FGD6: variants seen among roughly 807,000 people sequenced by gnomAD.
The protein encoded by FGD6 is FYVE, RhoGEF and PH domain-containing protein 6.
In FGD6, 90 loss-of-function variants were observed where a neutral mutation model predicts 149.4. That is an observed-to-expected ratio of 0.60 (90% confidence interval 0.51 to 0.72). The LOEUF is 0.72. FGD6 is among the 30% of genes least tolerant of loss of function. FGD6 has a pLI of 0.00. For synonymous variants in FGD6, 527 were observed against 584.0 expected (o/e 0.90, Z 1.41); for missense variants, 1,437 against 1,684.8 (o/e 0.85, Z 2.57).
In FGD6 at chr12:95,107,399, G is replaced by A. The variant is rs79337151; in HGVS notation, c.3333+164C>T. Among the ~76,000 whole-genome samples the A allele has an allele frequency of 5.5e-3, 840 of 152,236 alleles. 41 individuals carry two copies. In the East Asian group the frequency reaches 0.14, roughly 25 times the overall value. ...CTTCTGGTTATACATCATAACAGAC[G>A]TTATTTCCCATACTTGAAATGCAAT... On this transcript the variant is annotated intron_variant, in intron 12 of 20. Coordinates refer to ENST00000343958, the MANE Select transcript of FGD6 (RefSeq NM_018351.4).
At position 95,180,751 on chromosome 12, in the gene FGD6, C is replaced by G. The variant is rs11107927; in HGVS notation, c.2442-8007G>C. 1.2e-3 allele frequency among the ~76,000 whole-genome samples: 185 copies of G among 152,002 alleles called. 4 individuals carry two copies. In the East Asian group the frequency reaches 0.03, roughly 25 times the overall value. ...AAAGTTGTTATCACGTGCATTTTTA[C>G]TTTTTCAAAGTTGACCACCCCCCCG... On this transcript the variant is annotated intron_variant, in intron 2 of 20. Coordinates refer to ENST00000343958, the MANE Select transcript of FGD6 (RefSeq NM_018351.4).
intron 2 of FGD6, 73 bp downstream of exon 2, chr12:95,208,770 A>G: frequency 2.6e-6 from 4 of 1,511,002 alleles, no homozygotes; most frequent in Non-Finnish European, 2.7e-6. Flanking sequence ...TTCCCCCTGC[A>G]TTCCTAACTC....
chr12:95,081,604 CG>C (rs1565890395), intron 20 of FGD6, 48 bp from the exon 21 acceptor site: 1 of 1,377,886 alleles, frequency 7.3e-7, no homozygotes, highest in African/African-American at 1.4e-5. Context: ...AATCATCTGA[CG>C]TGTGAACACC....
intron 2 of FGD6, among the ~76,000 whole-genome samples, chr12:95,197,519 G>C (rs1341103902): frequency 6.6e-6 from 1 of 152,116 alleles, no homozygotes; most frequent in Non-Finnish European, 1.5e-5. Context: ...TAATTAGAGG[G>C]AACATATCAC....
chr12:95,210,356 G>C lies in FGD6; in HGVS notation c.928C>G (p.Pro310Ala). Reference protein sequence around the residue: ...PLEIHLVPYTPKFPTPKPRKT... With the variant: ...PLEIHLVPYTAKFPTPKPRKT... ...CTGGGCTTGGGAGTTGGAAATTTTG[G>C]GGTATATGGTACTAAATGAATTTCT... is the stretch of plus-strand genomic sequence containing the variant. The change falls in exon 2 of 21, where the codon CCA (proline) becomes GCA (alanine). Residue 310 changes from proline (P) to alanine (A), a missense_variant. This residue lies in a region of FGD6 where 1,055 missense variants were observed against 1,146.0 expected (regional missense o/e 0.92). Transcript: ENST00000343958. 3 of 1,613,732 alleles carry C rather than the reference G, an allele frequency of 1.9e-6. No individual in the cohort carries two copies. The highest frequency in any genetic ancestry group is 2.5e-6 in the Non-Finnish European group (3 of 1,179,922).
At chr12:95,114,045 A>G (rs562358515) in intron 8 of FGD6, among the ~76,000 whole-genome samples, 57 of 152,284 alleles carry the variant, frequency 3.7e-4, no homozygotes, top group Non-Finnish European at 7.9e-4. Flanking sequence ...ATCCCAACAC[A>G]TAGGAAGTAC....
At chr12:95,124,759 T>C (rs544626395) in intron 8 of FGD6, among the ~76,000 whole-genome samples, 48 of 152,276 alleles carry the variant, frequency 3.2e-4, no homozygotes, top group African/African-American at 9.6e-4. Context: ...ACGTGTAAAA[T>C]AGGATTTTCT....
intron 6 of FGD6, among the ~76,000 whole-genome samples, chr12:95,139,383 G>A (rs1243067538): frequency 6.6e-6 from 1 of 151,432 alleles, no homozygotes; most frequent in Non-Finnish European, 1.5e-5. Flanking sequence ...CAAGGCTGCA[G>A]TGAGCCATGG....
intron 2 of FGD6, among the ~76,000 whole-genome samples, chr12:95,179,339 GAA>G (rs57452963): frequency 4.9e-4 from 70 of 142,210 alleles, no homozygotes; most frequent in African/African-American, 1.6e-3. Flanking sequence ...CCATTTCTAT[GAA>G]AAAAAAAAAA....
intron 8 of FGD6, among the ~76,000 whole-genome samples, chr12:95,122,232 GAAGCT>G (rs1445046298): frequency 6.6e-6 from 1 of 152,152 alleles, no homozygotes; most frequent in African/African-American, 2.4e-5. Flanking sequence ...GAATATATTA[GAAGCT>G]AAGTAAATGG....
intron 11 of FGD6, 62 bp from the exon 12 acceptor site, chr12:95,107,693 T>C: frequency 6.4e-7 from 1 of 1,561,532 alleles, no homozygotes; most frequent in South Asian, 1.1e-5. Flanking sequence ...CAATATAATT[T>C]CCTTTTCAAC....
chr12:95,161,855 A>C (rs568380066), intron 3 of FGD6, among the ~76,000 whole-genome samples: 4 of 152,222 alleles, frequency 2.6e-5, no homozygotes, highest in South Asian at 2.1e-4. Flanking sequence ...TCTACATATA[A>C]ATTTGAAAAC....
chr12:95,181,597 G>A (rs2136288305), intron 2 of FGD6, among the ~76,000 whole-genome samples: 1 of 152,324 alleles, frequency 6.6e-6, no homozygotes, highest in Admixed American at 6.5e-5. Context: ...ACGAAATGTG[G>A]ACAACTTTCT....
chr12:95,166,464 T>A (rs1880821225), intron 3 of FGD6, among the ~76,000 whole-genome samples: 3 of 152,122 alleles, frequency 2.0e-5, no homozygotes, highest in Non-Finnish European at 4.4e-5. Flanking sequence ...ATCCCAACAC[T>A]TTGGGAGGCC....
At chr12:95,168,453 C>T (rs759225632) in intron 3 of FGD6, among the ~76,000 whole-genome samples, 1 of 152,154 alleles carries the variant, frequency 6.6e-6, no homozygotes, top group Admixed American at 6.6e-5. Flanking sequence ...AACCTGAGGT[C>T]AGGAGTTTGA....
At chr12:95,092,967 TC>T in intron 15 of FGD6, 122 bp from the exon 16 acceptor site, 2 of 1,156,392 alleles carry the variant, frequency 1.7e-6, no homozygotes, top group Non-Finnish European at 2.4e-6. Flanking sequence ...ACGCCTGTAA[TC>T]CCAGCATTTT....
intron 3 of FGD6, among the ~76,000 whole-genome samples, chr12:95,154,065 T>G (rs1592855033): frequency 1.3e-5 from 2 of 151,962 alleles, no homozygotes; most frequent in East Asian, 3.9e-4. Context: ...GTTCGAGAGA[T>G]TCTCCTGCCT....
chr12:95,165,857 G>T (rs572377250), intron 3 of FGD6, among the ~76,000 whole-genome samples: 2 of 151,496 alleles, frequency 1.3e-5, no homozygotes, highest in East Asian at 3.9e-4. Flanking sequence ...ATGTTGTCCA[G>T]ATTGGTCTCG....
rs1878701255 is a variant in FGD6 at position 95,108,343 on chromosome 12, C to T, written c.3264+5G>A. The stretch of plus-strand genomic sequence containing the variant: ...AGTTTGCGAAAAGCAATGTAAAATG[C>T]TTACCCGACCAGGCTGCACAATTTC... On this transcript the variant is annotated splice_donor_5th_base_variant and intron_variant, in intron 11 of 20. Coordinates refer to ENST00000343958, the MANE Select transcript of FGD6 (RefSeq NM_018351.4). 6.2e-7 allele frequency: 1 copy of T among 1,613,004 alleles called. No homozygotes were observed. The highest frequency in any genetic ancestry group is 8.5e-7 in the Non-Finnish European group (1 of 1,179,700).
Sources: allele counts gnomAD v4.1 joint callset (sites outside exome capture counted in the v4.1 genomes callset), GRCh38; gene constraint gnomAD v4.1.1; regional missense constraint gnomAD v4.1.1; transcripts MANE v1.5; gene names NCBI Gene and HGNC (gene_info 2026-07-23, HGNC 2026-07-21).